MAD1L1: variants seen among roughly 807,000 people sequenced by gnomAD.
The protein encoded by MAD1L1 is mitotic spindle assembly checkpoint protein MAD1.
A neutral mutation model predicts 96.9 loss-of-function variants in MAD1L1; 95 were observed. The observed-to-expected ratio is 0.98, with a 90% CI of 0.83 to 1.16. MAD1L1 has a LOEUF of 1.16. Among genes scored for constraint, MAD1L1 ranks in the 50% most tolerant of loss-of-function variants. The pLI, the probability that MAD1L1 is intolerant of heterozygous loss-of-function variation, is 0.00. For synonymous variants in MAD1L1, 473 were observed against 396.6 expected (o/e 1.19, Z -2.29); for missense variants, 1,007 against 954.4 (o/e 1.06, Z -0.73).
At chr7:1,817,276 C>A (rs1250994983) in intron 18 of MAD1L1, among the ~76,000 whole-genome samples, 1 of 152,150 alleles carries the variant, frequency 6.6e-6, no homozygotes, top group Non-Finnish European at 1.5e-5. Flanking sequence ...CCGGCAGCTC[C>A]TCAAAGAGCT....
chr7:1,967,444 A>G (rs967470028), intron 15 of MAD1L1, among the ~76,000 whole-genome samples: 3 of 152,242 alleles, frequency 2.0e-5, no homozygotes, highest in Admixed American at 1.3e-4. Flanking sequence ...GACATCATGT[A>G]TACAGAAACT....
chr7:2,026,596 A>T (rs948664621), intron 12 of MAD1L1, among the ~76,000 whole-genome samples: 1 of 152,212 alleles, frequency 6.6e-6, no homozygotes, highest in Non-Finnish European at 1.5e-5. Flanking sequence ...TTCAGAGGAT[A>T]GTCTCTGAGC....
chr7:1,815,905 G>T lies in MAD1L1; in HGVS notation c.*165C>A, dbSNP rs563671782. The stretch of plus-strand genomic sequence containing the variant: ...TCTGCACGTGGAGAGGGTGCTGGCC[G>T]CCCCAGCAGGAAGCCCGACGTAGGT... On this transcript the variant is annotated 3_prime_UTR_variant, in exon 19 of 19. Coordinates refer to ENST00000265854, the MANE Select transcript of MAD1L1 (RefSeq NM_001013836.2). 6 of 794,296 alleles carry T rather than the reference G, an allele frequency of 7.6e-6. No homozygotes were observed. The highest frequency in any genetic ancestry group is 1.2e-5 in the Non-Finnish European group (6 of 517,630). The allele number at this position is 794,296 out of a possible 1,614,324, so 49.2% of individuals were successfully genotyped here. A position where few individuals can be genotyped will look rare whatever the true frequency, so the allele number is the denominator to read the frequency against.
chr7:2,020,752 A>C (rs2128501377), intron 12 of MAD1L1, among the ~76,000 whole-genome samples: 1 of 145,260 alleles, frequency 6.9e-6, no homozygotes. Context: ...CGGCCTAAGC[A>C]AAAAGAATAC....
intron 18 of MAD1L1, among the ~76,000 whole-genome samples, chr7:1,888,188 ATGCATGTATGTGGCTGCCTG>A (rs1361001742): frequency 7.0e-6 from 1 of 143,796 alleles, no homozygotes; most frequent in East Asian, 2.2e-4. Context: ...GCGTGTGTGC[ATGCATGTATGTGGCTGCCTG>A]TGCATGTGTG....
intron 14 of MAD1L1, among the ~76,000 whole-genome samples, chr7:1,987,467 C>A (rs564827668): frequency 6.6e-6 from 1 of 152,322 alleles, no homozygotes; most frequent in East Asian, 1.9e-4. Context: ...GCGAAGAGAG[C>A]CGCCCATGCT....
chr7:2,149,087 C>T, intron 11 of MAD1L1, 65 bp downstream of exon 11: 1 of 1,447,522 alleles, frequency 6.9e-7, no homozygotes, highest in Non-Finnish European at 9.7e-7. Context: ...GGCACACACT[C>T]TCACTCACCC....
chr7:1,998,895 C>T (rs1781673956), intron 14 of MAD1L1, among the ~76,000 whole-genome samples: 1 of 148,008 alleles, frequency 6.8e-6, no homozygotes, highest in Non-Finnish European at 1.5e-5. Context: ...TAACCCCACT[C>T]ACTGCTGGAC....
intron 12 of MAD1L1, among the ~76,000 whole-genome samples, chr7:2,059,569 G>A: frequency 6.8e-6 from 1 of 146,748 alleles, no homozygotes; most frequent in South Asian, 2.2e-4. Context: ...GGGAAGCATG[G>A]CCAGGGGAGG....
intron 15 of MAD1L1, among the ~76,000 whole-genome samples, chr7:1,976,240 A>T (rs1200828376): frequency 1.8e-4 from 27 of 152,204 alleles, no homozygotes; most frequent in Admixed American, 1.8e-3. Flanking sequence ...GGTCTCACTG[A>T]CTTCAAGAAT....
chr7:2,185,792 G>A (rs1486639013), intron 10 of MAD1L1, among the ~76,000 whole-genome samples: 1 of 152,238 alleles, frequency 6.6e-6, no homozygotes, highest in Non-Finnish European at 1.5e-5. Context: ...TAACAGGCGA[G>A]AATGCGTCCT....
chr7:1,887,400 G>T (rs1015992939), intron 18 of MAD1L1, among the ~76,000 whole-genome samples: 1 of 122,514 alleles, frequency 8.2e-6, no homozygotes, highest in Non-Finnish European at 1.7e-5. Context: ...CATGTATGTG[G>T]CTGCCTGTGC....
intron 15 of MAD1L1, among the ~76,000 whole-genome samples, chr7:1,959,920 A>T (rs1282371870): frequency 1.3e-5 from 2 of 152,168 alleles, no homozygotes; most frequent in Non-Finnish European, 2.9e-5. Flanking sequence ...CAGGTCTCTT[A>T]AAAAAATTTA....
At chr7:2,207,926 G>A (rs992085811) in intron 10 of MAD1L1, among the ~76,000 whole-genome samples, 7 of 152,166 alleles carry the variant, frequency 4.6e-5, no homozygotes, top group Admixed American at 3.3e-4. Context: ...AACTCCAGGT[G>A]GAGAGTGTGC....
intron 12 of MAD1L1, among the ~76,000 whole-genome samples, chr7:2,026,858 T>C (rs1179964148): frequency 6.6e-6 from 1 of 151,882 alleles, no homozygotes. Context: ...CATATACAAC[T>C]CAAAAGTTAG....
rs767555365 is a variant in MAD1L1, at chr7:2,103,232, G to A, written c.1074-33894C>T. ...AGCCCACATGGTGTGTCCAGAGGGA[G>A]GCCGTCCATCCGGCCACGCTGAGGG... On this transcript the variant is annotated intron_variant, in intron 11 of 18. Coordinates refer to ENST00000265854, the MANE Select transcript of MAD1L1 (RefSeq NM_001013836.2). This position sits in a 1 kb window ranked among gnomAD's most constrained non-coding sequence, Gnocchi z 4.3. Among the ~76,000 whole-genome samples the A allele has an allele frequency of 3.3e-5, 5 of 152,164 alleles. No homozygotes were observed. Among genetic ancestry groups the A allele is most frequent in the African/African-American group, 7.2e-5 (3 of 41,450 alleles).
intron 17 of MAD1L1, among the ~76,000 whole-genome samples, chr7:1,908,245 C>T (rs1787797843): frequency 6.6e-6 from 1 of 152,212 alleles, no homozygotes; most frequent in Non-Finnish European, 1.5e-5. Flanking sequence ...TACCCTTCAG[C>T]AGGTCCCTGA....
rs189408882 is a variant in MAD1L1 at position 1,817,721 on chromosome 7, C to G, written c.1999-1493G>C. Reference sequence around the variant, plus strand: ...GAGGGTGAGCTGCATGTGTGTGCATCGGAGCTCAGGAAACCGTTTTGGAAA... The same window carrying G: ...GAGGGTGAGCTGCATGTGTGTGCATGGGAGCTCAGGAAACCGTTTTGGAAA... On this transcript the variant is annotated intron_variant, in intron 18 of 18. Coordinates refer to ENST00000265854, the MANE Select transcript of MAD1L1 (RefSeq NM_001013836.2). 1.8e-3 allele frequency among the ~76,000 whole-genome samples: 279 copies of G among 152,254 alleles called. 3 individuals are homozygous for G. The highest frequency in any genetic ancestry group is 3.4e-3 in the Non-Finnish European group (234 of 68,000).
chr7:2,160,312 G>T (rs1409211496), intron 10 of MAD1L1, among the ~76,000 whole-genome samples: 2 of 149,370 alleles, frequency 1.3e-5, no homozygotes, highest in East Asian at 3.9e-4. Flanking sequence ...ATGGCAGGAG[G>T]CTTGCCACTG....
Sources: allele counts gnomAD v4.1 joint callset (sites outside exome capture counted in the v4.1 genomes callset), GRCh38; gene constraint gnomAD v4.1.1; non-coding constraint Gnocchi (gnomAD v3.1); transcripts MANE v1.5; gene names NCBI Gene and HGNC (gene_info 2026-07-23, HGNC 2026-07-21).